Variants in ERI1 observed in about 807,000 individuals in gnomAD.
ERI1 encodes 3'-5' exoribonuclease 1.
In ERI1, 39 loss-of-function variants were observed where a neutral mutation model predicts 39.7. That is an observed-to-expected ratio of 0.98 (90% CI 0.76 to 1.28). The LOEUF is 1.28. Among genes scored for constraint, ERI1 ranks in the 50% most tolerant of loss-of-function variants. The pLI is 0.00. For missense variants in ERI1, 581 were observed against 416.9 expected, an observed-to-expected ratio of 1.39 and a Z score of -3.43; for synonymous variants, 204 against 149.6, an observed-to-expected ratio of 1.36 and a Z score of -2.65.
At chr8:9,018,011 C>T (rs1023277419) in intron 4 of ERI1, among the ~76,000 whole-genome samples, 1 of 152,112 alleles carries the variant, frequency 6.6e-6, no homozygotes, top group South Asian at 2.1e-4. Flanking sequence ...ATCCAGTAAG[C>T]CGCTAGGTTC....
chr8:9,049,682 G>A (rs942150574), intron 3 of ERI1: 2 of 152,110 alleles, frequency 1.3e-5, no homozygotes, highest in Non-Finnish European at 2.9e-5. Context: ...TGAGGGAGGA[G>A]ACATCTCAGA....
Position 9,030,328 on chromosome 8 carries a change from A to G in ERI1, c.*294A>G. 1 of 319,160 alleles carries G rather than the reference A, an allele frequency of 3.1e-6. No homozygotes were observed. The highest frequency in any genetic ancestry group is 5.4e-5 in the East Asian group (1 of 18,566). 19.8% of individuals were successfully genotyped at this position (319,160 alleles called of 1,614,324 possible). A position where few individuals can be genotyped will look rare whatever the true frequency, so the allele number is the denominator to read the frequency against. On this transcript the variant is annotated 3_prime_UTR_variant, in exon 7 of 7. Transcript: ENST00000250263. ...AAGATATATTCTTTTTGGTTTTAAA[A>G]TGCAAAATCTTATTGGCTGTTCTGT... is the stretch of plus-strand genomic sequence containing the variant.
intron 3 of ERI1, among the ~76,000 whole-genome samples, chr8:9,074,892 C>T (rs1240932738): frequency 1.3e-5 from 2 of 152,126 alleles, no homozygotes; most frequent in African/African-American, 4.8e-5. Context: ...CTGGTGTGGT[C>T]TGGTGTGGTC....
chr8:9,061,806 T>C (rs539707985), intron 3 of ERI1, among the ~76,000 whole-genome samples: 13,999 of 137,782 alleles, frequency 0.1, 1,012 homozygotes, highest in African/African-American at 0.14. Flanking sequence ...GTCCGTGAAG[T>C]TTTGCAGCAG....
chr8:9,029,555 T>C (rs1007615337), intron 6 of ERI1, among the ~76,000 whole-genome samples: 2 of 152,208 alleles, frequency 1.3e-5, no homozygotes, highest in Non-Finnish European at 2.9e-5. Flanking sequence ...GGTCTCATAC[T>C]CCTGACCTCA....
chr8:9,010,450 A>G (rs1417180576), intron 2 of ERI1, among the ~76,000 whole-genome samples: 2 of 152,246 alleles, frequency 1.3e-5, no homozygotes, highest in African/African-American at 4.8e-5. Context: ...TCAAGCAAAG[A>G]AACAATATTA....
intron 3 of ERI1, among the ~76,000 whole-genome samples, chr8:9,070,796 A>G (rs1442168236): frequency 6.6e-6 from 1 of 152,234 alleles, no homozygotes; most frequent in African/African-American, 2.4e-5. Context: ...TTTTTACTAA[A>G]GCTCCATGAA....
chr8:9,081,654 C>T (rs372314532), intron 3 of ERI1, among the ~76,000 whole-genome samples: 55 of 151,488 alleles, frequency 3.6e-4, no homozygotes, highest in African/African-American at 1.3e-3. Flanking sequence ...AAACAACTCC[C>T]ATTTCTTCCT....
At chr8:9,074,945 C>T (rs559103942) in intron 3 of ERI1, among the ~76,000 whole-genome samples, 33 of 152,286 alleles carry the variant, frequency 2.2e-4, no homozygotes, top group African/African-American at 7.7e-4. Flanking sequence ...CCCACCAGCG[C>T]CACAGTGAGG....
chr8:9,016,388 C>G lies in ERI1; in HGVS notation c.565C>G (p.Leu189Val), dbSNP rs1470435676. The G allele has an allele frequency of 1.9e-6, 3 of 1,603,944 alleles. No individual in the cohort carries two copies. Among genetic ancestry groups the G allele is most frequent in the Non-Finnish European group, 2.6e-6 (3 of 1,173,800 alleles). The change falls in exon 4 of 7, where the codon CTA (leucine) becomes GTA (valine). Residue 189 changes from leucine to valine, a missense_variant. By Grantham distance (32) the Leu-to-Val change is conservative. Transcript: ENST00000250263. ...NTQLSDFCIS[L>V]TGITQDQVDR... is the part of the protein sequence containing the mutation. ...ACAGCTGTCTGATTTCTGCATCAGTCTAACTGGAATTACTCAGGTTATAAT... is the reference window on the plus strand; with the variant it reads ...ACAGCTGTCTGATTTCTGCATCAGTGTAACTGGAATTACTCAGGTTATAAT...
At chr8:9,075,651 C>G (rs1219783446) in intron 3 of ERI1, among the ~76,000 whole-genome samples, 1 of 152,042 alleles carries the variant, frequency 6.6e-6, no homozygotes, top group African/African-American at 2.4e-5. Context: ...CAAAGAATCC[C>G]CACGGTGTGC....
rs766566474 is a variant in ERI1, at chr8:9,031,515, G to A, written c.*1481G>A. ...AGTTAACTCTTAGGATAAGAGGGATGTATGCTGAGATGTTTGTGCATCCCA... is the reference window on the plus strand; with the variant it reads ...AGTTAACTCTTAGGATAAGAGGGATATATGCTGAGATGTTTGTGCATCCCA... On this transcript the variant is annotated 3_prime_UTR_variant, in exon 7 of 7. Coordinates refer to ENST00000250263, the MANE Select transcript of ERI1 (RefSeq NM_153332.4). 2 of 152,200 alleles carry A rather than the reference G, an allele frequency of 1.3e-5. No individual in the cohort carries two copies. Among genetic ancestry groups the A allele is most frequent in the Non-Finnish European group, 1.5e-5 (1 of 68,036 alleles). The allele number at this position is 152,200 out of a possible 1,614,324, so 9.4% of individuals were successfully genotyped here.
At chr8:9,022,663 G>T (rs1818040942) in intron 6 of ERI1, among the ~76,000 whole-genome samples, 1 of 152,184 alleles carries the variant, frequency 6.6e-6, no homozygotes, top group Non-Finnish European at 1.5e-5. Context: ...GCCTCCCAAA[G>T]TGCTGGGATT....
chr8:9,094,099 A>G (rs528905924), intron 3 of ERI1, among the ~76,000 whole-genome samples: 4 of 152,364 alleles, frequency 2.6e-5, no homozygotes, highest in African/African-American at 9.6e-5. Context: ...GTATAGTAGT[A>G]ATTATCAGCA....
chr8:9,082,639 C>G (rs1295750226), intron 3 of ERI1, among the ~76,000 whole-genome samples: 2 of 152,144 alleles, frequency 1.3e-5, no homozygotes, highest in African/African-American at 2.4e-5. Flanking sequence ...CATCTGGGCT[C>G]CTCATCTTAG....
chr8:9,038,928 G>C (rs1340776737), intron 3 of ERI1, among the ~76,000 whole-genome samples: 1 of 152,136 alleles, frequency 6.6e-6, no homozygotes, highest in Non-Finnish European at 1.5e-5. Context: ...CTTTTACTCA[G>C]TTCTTTAATT....
intron 6 of ERI1, 69 bp from the exon 7 acceptor site, chr8:9,029,723 A>G (rs543472541): frequency 2.6e-5 from 41 of 1,560,614 alleles, no homozygotes; most frequent in South Asian, 1.1e-4. Context: ...CTTATTTTTC[A>G]TCTTAACTGT....
chr8:9,045,676 A>ATTT (rs34131409), intron 3 of ERI1, among the ~76,000 whole-genome samples: 22 of 138,362 alleles, frequency 1.6e-4, no homozygotes, highest in South Asian at 4.6e-4. Flanking sequence ...AATCTATAGA[A>ATTT]TTTTTTTTTT....
intron 2 of ERI1, 116 bp from the exon 3 acceptor site, chr8:9,011,426 G>T (rs1585192647): frequency 3.7e-6 from 2 of 535,278 alleles, no homozygotes; most frequent in East Asian, 2.9e-5. Context: ...ATTTTAGCTA[G>T]CATTTGCTAA....
Sources: allele counts gnomAD v4.1 joint callset (sites outside exome capture counted in the v4.1 genomes callset), GRCh38; gene constraint gnomAD v4.1.1; transcripts MANE v1.5; gene names NCBI Gene and HGNC (gene_info 2026-07-23, HGNC 2026-07-21).